Variants in RTRAF observed in about 807,000 individuals in gnomAD.
RTRAF encodes the protein RNA transcription, translation and transport factor.
RTRAF carries 14 observed loss-of-function variants against 34.4 expected under a neutral mutation model. The observed-to-expected ratio is 0.41, with a 90% confidence interval of 0.27 to 0.64. The LOEUF is 0.64. Ranked by LOEUF, RTRAF falls within the 30% of genes least tolerant of loss-of-function variation. The pLI, the probability that RTRAF is intolerant of heterozygous loss-of-function variation, is 0.34. For synonymous variants in RTRAF, 96 were observed against 95.3 expected, an observed-to-expected ratio of 1.01 and a Z score of -0.04; for missense variants, 291 against 288.4, an observed-to-expected ratio of 1.01 and a Z score of -0.06.
At chr14:51,991,140 T>C (rs1318949421) in intron 1 of RTRAF, among the ~76,000 whole-genome samples, 177 bp from the exon 2 acceptor site, 1 of 152,188 alleles carries the variant, frequency 6.6e-6, no homozygotes, top group African/African-American at 2.4e-5. Flanking sequence ...GAACAGATCA[T>C]TGTTAATCTG....
chr14:52,006,469 T>TAAAACAAG lies in RTRAF; in HGVS notation c.*1954_*1961dup. 1 of 1,583,558 alleles carries TAAAACAAG rather than the reference T, an allele frequency of 6.3e-7. No individual in the cohort carries two copies. The highest frequency in any genetic ancestry group is 8.6e-7 in the Non-Finnish European group (1 of 1,162,680). Reference sequence around the variant, plus strand: ...AGTCAAGTCAGGTACTGACTTTTGGTAAAACAAGTGGTGTGTCCTCTGGAA... The same window carrying TAAAACAAG: ...AGTCAAGTCAGGTACTGACTTTTGGTAAAACAAGAAAACAAGTGGTGTGTCCTCTGGAA... On this transcript the variant is annotated 3_prime_UTR_variant, in exon 8 of 8. Coordinates refer to ENST00000261700, the MANE Select transcript of RTRAF (RefSeq NM_016039.3).
Position 52,006,549 on chromosome 14 carries a change from G to T in RTRAF, c.*2033G>T. The T allele has an allele frequency of 6.8e-6, 11 of 1,613,722 alleles. No individual in the cohort carries two copies. Among genetic ancestry groups the T allele is most frequent in the Non-Finnish European group, 9.3e-6 (11 of 1,179,674 alleles). ...TTGTGGGGCTCACCTCCTCCAGTCT[G>T]TGTGGTAGAAGTGATCTGCATAGCT... On this transcript the variant is annotated 3_prime_UTR_variant, in exon 8 of 8. Transcript: ENST00000261700.
At position 51,998,302 on chromosome 14, in the gene RTRAF, C is replaced by G. The variant is rs1890551206; in HGVS notation, c.287-192C>G. 6.5e-6 allele frequency: 3 copies of G among 460,642 alleles called. No individual in the cohort carries two copies. In the East Asian group the frequency reaches 1.1e-4, roughly 16 times the overall value. The allele number at this position is 460,642 out of a possible 1,614,324, so 28.5% of individuals were successfully genotyped here. On this transcript the variant is annotated intron_variant, in intron 3 of 7. Coordinates refer to ENST00000261700, the MANE Select transcript of RTRAF (RefSeq NM_016039.3). ...TTTTGTGTTTAGACTTCAGTCCCAT[C>G]CCCAAAATATCCCATTTTATATATG...
rs1321854286 is a variant in RTRAF, at chr14:52,010,612, A to G, written c.*6096A>G. ...CCCTAGTTCTCACAACACTATCTGA[A>G]TTTTCTACATATCACATCACAGACT... is the stretch of plus-strand genomic sequence containing the variant. On this transcript the variant is annotated 3_prime_UTR_variant, in exon 8 of 8. Coordinates refer to ENST00000261700, the MANE Select transcript of RTRAF (RefSeq NM_016039.3). 9.0e-6 allele frequency: 3 copies of G among 331,624 alleles called. No homozygotes were observed. The Admixed American group carries it at 1.2e-4, about 13-fold the overall frequency. The allele number at this position is 331,624 out of a possible 1,614,324, so 20.5% of individuals were successfully genotyped here.
Position 52,008,885 on chromosome 14 carries a change from CT to C in RTRAF, c.*4372del, listed in dbSNP as rs998391458. 6.6e-6 allele frequency: 1 copy of C among 152,152 alleles called. No individual in the cohort carries two copies. Among genetic ancestry groups the C allele is most frequent in the Non-Finnish European group, 1.5e-5 (1 of 68,016 alleles). The allele number at this position is 152,152 out of a possible 1,614,324, so 9.4% of individuals were successfully genotyped here. On this transcript the variant is annotated 3_prime_UTR_variant, in exon 8 of 8. Transcript: ENST00000261700. ...GGATGGAAACATTTTAAGTTAAGCA[CT>C]TTACCTTTTAAATGCCACGTTAAAA... is the stretch of plus-strand genomic sequence containing the variant.
chr14:52,006,785 AT>A lies in RTRAF; in HGVS notation c.*2271del. 9.9e-7 allele frequency: 1 copy of A among 1,009,750 alleles called. No individual in the cohort carries two copies. Among genetic ancestry groups the A allele is most frequent in the Non-Finnish European group, 1.5e-6 (1 of 686,264 alleles). 62.5% of individuals were successfully genotyped at this position (1,009,750 alleles called of 1,614,324 possible). A position where few individuals can be genotyped will look rare whatever the true frequency, so the allele number is the denominator to read the frequency against. ...TATTTTACTTCCATTACAGTCATAG[AT>A]TAGCAACTGTAAAATTACCTGTCCT... On this transcript the variant is annotated 3_prime_UTR_variant, in exon 8 of 8. Coordinates refer to ENST00000261700, the MANE Select transcript of RTRAF (RefSeq NM_016039.3).
intron 3 of RTRAF, among the ~76,000 whole-genome samples, chr14:51,996,624 C>T (rs1890525584): frequency 1.3e-5 from 2 of 152,004 alleles, no homozygotes; most frequent in South Asian, 2.1e-4. Context: ...AGGCACACAC[C>T]ATTTTTTTCC....
At chr14:51,990,829 A>ATT (rs1477048522) in intron 1 of RTRAF, among the ~76,000 whole-genome samples, 1 of 152,094 alleles carries the variant, frequency 6.6e-6, no homozygotes, top group Non-Finnish European at 1.5e-5. Flanking sequence ...TTTGTTGTAT[A>ATT]TTTTACTTTA....
rs568501891 is a variant in RTRAF, at chr14:52,004,787, A to G, written c.*271A>G. The stretch of plus-strand genomic sequence containing the variant: ...AACCCCCAGCTTTGTCCTAGAGACA[A>G]TATAGATCCTTAAGTCATAGGAAAA... On this transcript the variant is annotated 3_prime_UTR_variant, in exon 8 of 8. Coordinates refer to ENST00000261700, the MANE Select transcript of RTRAF (RefSeq NM_016039.3). 67 of 300,658 alleles carry G rather than the reference A, an allele frequency of 2.2e-4. No individual in the cohort carries two copies. Among genetic ancestry groups the G allele is most frequent in the African/African-American group, 1.3e-3 (58 of 46,294 alleles). The allele number at this position is 300,658 out of a possible 1,614,324, so 18.6% of individuals were successfully genotyped here.
At chr14:52,002,742 A>C (rs942752016) in intron 6 of RTRAF, among the ~76,000 whole-genome samples, 1 of 152,176 alleles carries the variant, frequency 6.6e-6, no homozygotes, top group African/African-American at 2.4e-5. Flanking sequence ...CCTTGGGCAC[A>C]ACTATGTTGT....
At position 52,008,732 on chromosome 14, in the gene RTRAF, G is replaced by A. The variant is rs1379063696; in HGVS notation, c.*4216G>A. The A allele has an allele frequency of 6.6e-6, 1 of 152,178 alleles. No homozygotes were observed. The highest frequency in any genetic ancestry group is 1.5e-5 in the Non-Finnish European group (1 of 68,034). 9.4% of individuals were successfully genotyped at this position (152,178 alleles called of 1,614,324 possible). A position where few individuals can be genotyped will look rare whatever the true frequency, so the allele number is the denominator to read the frequency against. On this transcript the variant is annotated 3_prime_UTR_variant, in exon 8 of 8. Transcript: ENST00000261700. ...GGGTTTTAGAATAGAAACAAATACA[G>A]CTGTTAGGAATGGCTTCGATACAAA... is the stretch of plus-strand genomic sequence containing the variant.
At chr14:51,996,618 A>G (rs565396093) in intron 3 of RTRAF, among the ~76,000 whole-genome samples, 2 of 152,188 alleles carry the variant, frequency 1.3e-5, no homozygotes, top group South Asian at 4.2e-4. Context: ...ACACAGAGGC[A>G]CACACCATTT....
At position 52,006,413 on chromosome 14, in the gene RTRAF, T is replaced by G; in HGVS notation, c.*1897T>G. The G allele has an allele frequency of 1.0e-6, 1 of 984,508 alleles. No homozygotes were observed. The highest frequency in any genetic ancestry group is 1.5e-6 in the Non-Finnish European group (1 of 658,298). The allele number at this position is 984,508 out of a possible 1,614,324, so 61.0% of individuals were successfully genotyped here. A position where few individuals can be genotyped will look rare whatever the true frequency, so the allele number is the denominator to read the frequency against. On this transcript the variant is annotated 3_prime_UTR_variant, in exon 8 of 8. Transcript: ENST00000261700. ...AGGATCTTATCTGCCAATGAGGAGG[T>G]GATGAAACAAAAGCCTCAGAGGGCT...
At chr14:52,002,448 A>T (rs1320161633) in intron 6 of RTRAF, among the ~76,000 whole-genome samples, 1 of 152,190 alleles carries the variant, frequency 6.6e-6, no homozygotes. Context: ...TGAGCTTGTC[A>T]GTCTGCCCAG....
At position 51,998,540 on chromosome 14, in the gene RTRAF, C is replaced by A; in HGVS notation, c.333C>A (p.Asp111Glu). The A allele has an allele frequency of 6.3e-7, 1 of 1,591,444 alleles. No individual in the cohort carries two copies. The part of the protein sequence containing the change: ...DLVPDNSKTA[D>E]NATKNAEPLI... ...TACCTGATAATTCAAAAACTGCTGACAATGCAACTAAAAATGCAGAACCAT... is the reference window on the plus strand; with the variant it reads ...TACCTGATAATTCAAAAACTGCTGAAAATGCAACTAAAAATGCAGAACCAT... Residue 111 changes from aspartate (D) to glutamate (E), a missense_variant, in exon 4 of 8, where the codon GAC (aspartate) becomes GAA (glutamate). Physicochemically the swap from Asp to Glu is conservative, Grantham distance 45. Coordinates refer to ENST00000261700, the MANE Select transcript of RTRAF (RefSeq NM_016039.3).
intron 6 of RTRAF, among the ~76,000 whole-genome samples, chr14:52,002,588 T>C (rs1486537981): frequency 3.3e-5 from 5 of 152,096 alleles, no homozygotes; most frequent in African/African-American, 1.2e-4. Context: ...AAAGAGAAAA[T>C]ATGGAACATT....
At chr14:51,989,818 C>G in intron 1 of RTRAF, 118 bp downstream of exon 1, 1 of 991,834 alleles carries the variant, frequency 1.0e-6, no homozygotes, top group East Asian at 2.9e-5. Context: ...CGCCGGCAGC[C>G]TCCGGGCCCC....
chr14:51,990,052 ATT>A (rs1286220047), intron 1 of RTRAF, among the ~76,000 whole-genome samples: 14 of 152,184 alleles, frequency 9.2e-5, no homozygotes, highest in African/African-American at 3.4e-4. Context: ...GCACCTGCTA[ATT>A]ATGGGCCAGC....
At chr14:51,996,567 C>T (rs1224314459) in intron 3 of RTRAF, among the ~76,000 whole-genome samples, 3 of 152,016 alleles carry the variant, frequency 2.0e-5, no homozygotes, top group African/African-American at 7.2e-5. Context: ...CTCAAGTCTA[C>T]AAATGTAGCG....
Sources: gnomAD v4.1 joint callset for allele counts (sites outside exome capture counted in the v4.1 genomes callset) on GRCh38, gnomAD v4.1.1 for gene constraint, MANE v1.5 for transcripts, NCBI Gene and HGNC (gene_info 2026-07-23, HGNC 2026-07-21) for gene names.